Variants in ABCC9 observed in about 807,000 individuals in gnomAD.
ABCC9 encodes the protein ATP binding cassette subfamily C member 9, also known as ATP-binding cassette sub-family C member 9.
In ABCC9, 95 loss-of-function variants were observed where a neutral mutation model predicts 188.3. The ratio of observed to expected loss-of-function variants is 0.50; its 90% CI spans 0.43 to 0.60. The LOEUF (loss-of-function observed/expected upper bound fraction) is 0.60, where lower values mean the gene tolerates loss of function less well. Ranked by LOEUF, ABCC9 falls within the 20% of genes least tolerant of loss-of-function variation. The pLI is 0.00. For missense variants in ABCC9, 1,102 were observed against 1,876.3 expected, an observed-to-expected ratio of 0.59 and a Z score of 7.62; for synonymous variants, 659 against 652.7, an observed-to-expected ratio of 1.01 and a Z score of -0.15.
intron 31 of ABCC9, chr12:21,827,350 C>T (rs990311489): frequency 1.0e-6 from 1 of 982,162 alleles, no homozygotes; most frequent in Non-Finnish European, 1.2e-6. Flanking sequence ...AGACTCTCAC[C>T]TCAAGTCCAA....
chr12:21,878,348 A>G (rs1946465577), intron 16 of ABCC9, among the ~76,000 whole-genome samples: 1 of 152,154 alleles, frequency 6.6e-6, no homozygotes, highest in Non-Finnish European at 1.5e-5. Context: ...TCAATTCGTG[A>G]TATGATGAAG....
At chr12:21,851,325 G>C (rs1183006846) in intron 24 of ABCC9, among the ~76,000 whole-genome samples, 1 of 152,044 alleles carries the variant, frequency 6.6e-6, no homozygotes, top group Non-Finnish European at 1.5e-5. Context: ...CTCATTCAAT[G>C]TTATACTTAC....
chr12:21,797,734 A>G lies in ABCC9; in HGVS notation c.*3310T>C, dbSNP rs1408688542. The G allele has an allele frequency of 2.0e-5, 3 of 152,200 alleles. No homozygotes were observed. The highest frequency in any genetic ancestry group is 4.8e-5 in the African/African-American group (2 of 41,462). The allele number at this position is 152,200 out of a possible 1,614,324, so 9.4% of individuals were successfully genotyped here. A position where few individuals can be genotyped will look rare whatever the true frequency, so the allele number is the denominator to read the frequency against. Reference sequence around the variant, plus strand: ...AGCTGAGTAGACTTTTAAATGGATCATGAGTAAGAGTACAAAAATAGATGG... The same window carrying G: ...AGCTGAGTAGACTTTTAAATGGATCGTGAGTAAGAGTACAAAAATAGATGG... On this transcript the variant is annotated 3_prime_UTR_variant, in exon 40 of 40. Transcript: ENST00000261200.
chr12:21,835,677 G>A (rs545035427), intron 30 of ABCC9, among the ~76,000 whole-genome samples: 51 of 152,274 alleles, frequency 3.3e-4, no homozygotes, highest in Admixed American at 8.5e-4. Flanking sequence ...AGTGCTGGTA[G>A]TCTGAAATTT....
intron 30 of ABCC9, among the ~76,000 whole-genome samples, chr12:21,830,732 A>T (rs1000284209): frequency 6.6e-6 from 1 of 152,132 alleles, no homozygotes; most frequent in Non-Finnish European, 1.5e-5. Flanking sequence ...TAATCAGAGA[A>T]CTCAGCAATC....
chr12:21,888,215 A>AT (rs902954063), intron 14 of ABCC9, among the ~76,000 whole-genome samples: 101 of 151,950 alleles, frequency 6.6e-4, no homozygotes, highest in African/African-American at 1.8e-3. Flanking sequence ...CCTTCTTTGC[A>AT]TTTTTTTTGC....
chr12:21,808,999 A>G lies in ABCC9; in HGVS notation c.4315+853T>C, dbSNP rs560565872. Among the ~76,000 whole-genome samples the G allele has an allele frequency of 3.4e-4, 52 of 152,202 alleles. No homozygotes were observed. In the South Asian group the frequency reaches 9.1e-3, roughly 27 times the overall value. On this transcript the variant is annotated intron_variant, in intron 37 of 39. Transcript: ENST00000261200. The stretch of plus-strand genomic sequence containing the variant: ...GCTTTTCAAATAAACTAACAGATAA[A>G]CATAATTTTATTTTGTAGGTTGACT...
chr12:21,890,711 A>G (rs914772481), intron 14 of ABCC9, among the ~76,000 whole-genome samples: 3 of 152,020 alleles, frequency 2.0e-5, no homozygotes, highest in South Asian at 2.1e-4. Context: ...TCAGCAAACT[A>G]TCGCAAGGAC....
intron 7 of ABCC9, among the ~76,000 whole-genome samples, chr12:21,915,374 G>GTA (rs1421267859): frequency 1.7e-4 from 23 of 137,836 alleles, no homozygotes; most frequent in African/African-American, 3.8e-4. Context: ...ATATATGTGT[G>GTA]TATATATAGA....
At chr12:21,897,106 T>C (rs935358418) in intron 12 of ABCC9, among the ~76,000 whole-genome samples, 1 of 152,216 alleles carries the variant, frequency 6.6e-6, no homozygotes, top group Non-Finnish European at 1.5e-5. Flanking sequence ...TTTTTAATAA[T>C]TGCTATTCTG....
At chr12:21,908,019 T>G in intron 11 of ABCC9, 58 bp downstream of exon 11, 1 of 1,550,968 alleles carries the variant, frequency 6.4e-7, no homozygotes, top group Non-Finnish European at 8.8e-7. Flanking sequence ...TCCTATATTA[T>G]AAAATTAAAA....
At chr12:21,813,025 A>G (rs1460986990) in intron 35 of ABCC9, among the ~76,000 whole-genome samples, 1 of 151,840 alleles carries the variant, frequency 6.6e-6, no homozygotes, top group Non-Finnish European at 1.5e-5. Flanking sequence ...TATCCTCCTC[A>G]CTTTATTTCT....
chr12:21,840,854 T>C (rs979776941), intron 29 of ABCC9, among the ~76,000 whole-genome samples: 7 of 152,254 alleles, frequency 4.6e-5, no homozygotes, highest in African/African-American at 1.7e-4. Context: ...CTTCAAATTA[T>C]GAAATGTTAT....
chr12:21,867,204 G>T (rs1244924736), intron 18 of ABCC9, among the ~76,000 whole-genome samples: 1 of 152,010 alleles, frequency 6.6e-6, no homozygotes, highest in Non-Finnish European at 1.5e-5. Flanking sequence ...TTAACTTCCA[G>T]AGACTACCTA....
chr12:21,817,059 C>G, intron 33 of ABCC9, 128 bp downstream of exon 33: 2 of 1,061,396 alleles, frequency 1.9e-6, no homozygotes, highest in Non-Finnish European at 1.4e-6. Flanking sequence ...CAAGCAAAGC[C>G]AAGATATGAG....
At chr12:21,844,700 A>T (rs1944550476) in intron 27 of ABCC9, 67 bp downstream of exon 27, 1 of 1,599,610 alleles carries the variant, frequency 6.3e-7, no homozygotes. Context: ...TTCACATTCC[A>T]CTTAAATTGA....
At chr12:21,882,319 C>T (rs1946666846) in intron 16 of ABCC9, among the ~76,000 whole-genome samples, 1 of 152,140 alleles carries the variant, frequency 6.6e-6, no homozygotes, top group South Asian at 2.1e-4. Flanking sequence ...TCCAAATAGC[C>T]AAGTTTGAAA....
chr12:21,880,785 C>T (rs1946581533), intron 16 of ABCC9, among the ~76,000 whole-genome samples: 1 of 151,958 alleles, frequency 6.6e-6, no homozygotes, highest in African/African-American at 2.4e-5. Context: ...TAAATTGGCA[C>T]CATCACTTTG....
At chr12:21,882,273 G>T (rs558140581) in intron 16 of ABCC9, among the ~76,000 whole-genome samples, 1 of 152,140 alleles carries the variant, frequency 6.6e-6, no homozygotes, top group African/African-American at 2.4e-5. Flanking sequence ...TCGGTTGCCT[G>T]TTCTGCCTTA....
Sources: gnomAD v4.1 joint callset for allele counts (sites outside exome capture counted in the v4.1 genomes callset) on GRCh38, gnomAD v4.1.1 for gene constraint, MANE v1.5 for transcripts, NCBI Gene and HGNC (gene_info 2026-07-23, HGNC 2026-07-21) for gene names.